The following OR9Q1 variants were observed in gnomAD, a reference collection of about 807,000 sequenced individuals.
The protein encoded by OR9Q1 is olfactory receptor 9Q1.
For synonymous variants in OR9Q1, 153 were observed against 148.6 expected (o/e 1.03, Z -0.22); for missense variants, 374 against 378.8 (o/e 0.99, Z 0.11).
chr11:58,032,733 G>A (rs1333853293), intron 1 of OR9Q1, among the ~76,000 whole-genome samples: 1 of 152,118 alleles, frequency 6.6e-6, no homozygotes, highest in South Asian at 2.1e-4. Context: ...GTTCTCAAAA[G>A]CAATTGCAAT....
At chr11:58,067,372 C>T (rs924698222) in intron 2 of OR9Q1, among the ~76,000 whole-genome samples, 21 of 152,144 alleles carry the variant, frequency 1.4e-4, no homozygotes, top group Admixed American at 1.2e-3. Context: ...AAATCTGCTG[C>T]GAATTCTCGG....
intron 2 of OR9Q1, among the ~76,000 whole-genome samples, chr11:58,086,741 T>C (rs1362651670): frequency 6.6e-6 from 1 of 151,780 alleles, no homozygotes; most frequent in Non-Finnish European, 1.5e-5. Flanking sequence ...TTATGCTAAG[T>C]GAAATAAGCT....
chr11:58,040,430 C>T (rs978081587), intron 1 of OR9Q1, among the ~76,000 whole-genome samples: 17 of 152,178 alleles, frequency 1.1e-4, no homozygotes, highest in Admixed American at 2.6e-4. Flanking sequence ...GCTGGCTCCA[C>T]TCAACCACTC....
At chr11:58,071,469 A>G (rs769756099) in intron 2 of OR9Q1, among the ~76,000 whole-genome samples, 6 of 152,098 alleles carry the variant, frequency 3.9e-5, no homozygotes, top group Admixed American at 1.3e-4. Context: ...GCCTGGAAGA[A>G]GACAGAGCAT....
rs12805301 is a variant in OR9Q1 at position 58,074,044 on chromosome 11, G to A, written c.-15+18097G>A. On this transcript the variant is annotated intron_variant, in intron 2 of 2. Coordinates refer to ENST00000335397, the MANE Select transcript of OR9Q1 (RefSeq NM_001005212.4). ...ATATGTGCCACATTTTCTTTATCTA[G>A]TCTATCATTGATGGGCATTTGGGTT... Among the ~76,000 whole-genome samples, 988 of 152,240 alleles carry A rather than the reference G, an allele frequency of 6.5e-3. 6 individuals are homozygous for A. Among genetic ancestry groups the A allele is most frequent in the Non-Finnish European group, 0.011 (763 of 68,012 alleles).
Position 58,110,055 on chromosome 11 carries a change from G to A in OR9Q1, c.-15+54108G>A, listed in dbSNP as rs76129807. On this transcript the variant is annotated intron_variant, in intron 2 of 2. Coordinates refer to ENST00000335397, the MANE Select transcript of OR9Q1 (RefSeq NM_001005212.4). ...GCCTCTATGTGGCTTCTTAGGCTGT[G>A]GCTGCATGACTCCAGGCAGGGCCAT... Among the ~76,000 whole-genome samples, 625 of 152,144 alleles carry A rather than the reference G, an allele frequency of 4.1e-3. 4 individuals are homozygous for A. The highest frequency in any genetic ancestry group is 0.014 in the African/African-American group (600 of 41,502).
chr11:58,048,679 A>AATATAT (rs1554965248), intron 1 of OR9Q1, among the ~76,000 whole-genome samples: 20 of 131,396 alleles, frequency 1.5e-4, no homozygotes, highest in Non-Finnish European at 2.7e-4. Flanking sequence ...TAAAAAAAAA[A>AATATAT]ATATATATAT....
At chr11:58,178,478 G>A (rs1233186458) in intron 2 of OR9Q1, among the ~76,000 whole-genome samples, 2 of 152,306 alleles carry the variant, frequency 1.3e-5, no homozygotes, top group East Asian at 3.9e-4. Context: ...GAATTTGGAA[G>A]AAGCAAATAT....
intron 2 of OR9Q1, among the ~76,000 whole-genome samples, chr11:58,145,929 T>C (rs1340956498): frequency 6.6e-6 from 1 of 152,218 alleles, no homozygotes; most frequent in Non-Finnish European, 1.5e-5. Context: ...TAACATTCAG[T>C]CATACCCAAT....
At chr11:58,055,195 CT>C (rs1853315525) in intron 1 of OR9Q1, among the ~76,000 whole-genome samples, 2 of 152,126 alleles carry the variant, frequency 1.3e-5, no homozygotes, top group South Asian at 4.1e-4. Context: ...ATAGGATTAT[CT>C]TGAAAATTAA....
chr11:58,164,128 C>T lies in OR9Q1; in HGVS notation c.-14-15303C>T, dbSNP rs550372036. Among the ~76,000 whole-genome samples the T allele has an allele frequency of 1.1e-4, 17 of 152,168 alleles. No homozygotes were observed. In the East Asian group the frequency reaches 3.1e-3, roughly 28 times the overall value. On this transcript the variant is annotated intron_variant, in intron 2 of 2. Transcript: ENST00000335397. ...CGGAGCCTGCAGACAGAGGATATTCCCCCACCTTGTCTCGGCTTGCAGGGG... is the reference window on the plus strand; with the variant it reads ...CGGAGCCTGCAGACAGAGGATATTCTCCCACCTTGTCTCGGCTTGCAGGGG...
At chr11:58,130,178 G>C (rs1224874534) in intron 2 of OR9Q1, among the ~76,000 whole-genome samples, 1 of 152,142 alleles carries the variant, frequency 6.6e-6, no homozygotes, top group African/African-American at 2.4e-5. Flanking sequence ...AGAGGAGAGA[G>C]CCTTAATGTT....
intron 2 of OR9Q1, among the ~76,000 whole-genome samples, chr11:58,105,008 T>G (rs1237216732): frequency 6.6e-6 from 1 of 152,202 alleles, no homozygotes; most frequent in Non-Finnish European, 1.5e-5. Context: ...TCTTTAATTT[T>G]TATAACAATT....
intron 1 of OR9Q1, among the ~76,000 whole-genome samples, chr11:58,053,609 A>ATATATAT (rs1554965485): frequency 1.3e-4 from 9 of 68,716 alleles, no homozygotes; most frequent in Admixed American, 6.4e-4. Flanking sequence ...AATAAAATTA[A>ATATATAT]AAAATATATA....
At chr11:58,093,131 G>T (rs1853699664) in intron 2 of OR9Q1, among the ~76,000 whole-genome samples, 1 of 152,014 alleles carries the variant, frequency 6.6e-6, no homozygotes, top group African/African-American at 2.4e-5. Flanking sequence ...TTGTTTAGAT[G>T]CACTTCAAAA....
chr11:58,062,071 C>T (rs556125069), intron 2 of OR9Q1, among the ~76,000 whole-genome samples: 1 of 152,332 alleles, frequency 6.6e-6, no homozygotes, highest in South Asian at 2.1e-4. Context: ...TTCCCAAAAT[C>T]ATTGCCAAGA....
At chr11:58,115,773 AAGT>A (rs1444767322) in intron 2 of OR9Q1, among the ~76,000 whole-genome samples, 9 of 152,204 alleles carry the variant, frequency 5.9e-5, no homozygotes, top group Admixed American at 2.0e-4. Context: ...ATATACAAAG[AAGT>A]ACCTTAAAAT....
intron 2 of OR9Q1, among the ~76,000 whole-genome samples, chr11:58,076,221 C>G (rs1361265876): frequency 6.6e-6 from 1 of 152,142 alleles, no homozygotes; most frequent in East Asian, 1.9e-4. Flanking sequence ...TTTAGCAGCT[C>G]AAAGCAACAC....
intron 2 of OR9Q1, among the ~76,000 whole-genome samples, chr11:58,169,013 A>C (rs1854530911): frequency 6.6e-6 from 1 of 152,134 alleles, no homozygotes; most frequent in Non-Finnish European, 1.5e-5. Flanking sequence ...TGTATGCCTT[A>C]TATTGTGGTC....
Sources: gnomAD v4.1 joint callset for allele counts (sites outside exome capture counted in the v4.1 genomes callset) on GRCh38, gnomAD v4.1.1 for gene constraint, MANE v1.5 for transcripts, NCBI Gene and HGNC (gene_info 2026-07-23, HGNC 2026-07-21) for gene names.